The following SLC25A24 variants were observed in gnomAD, a reference collection of about 807,000 sequenced individuals.
SLC25A24 encodes mitochondrial adenyl nucleotide antiporter SLC25A24.
A neutral mutation model predicts 60.7 loss-of-function variants in SLC25A24; 49 were observed. That is an observed-to-expected ratio of 0.81 (90% confidence interval 0.64 to 1.02). The LOEUF (loss-of-function observed/expected upper bound fraction) is 1.02, where lower values mean the gene tolerates loss of function less well. Ranked by LOEUF, SLC25A24 falls within the 50% of genes least tolerant of loss-of-function variation. The pLI, the probability that SLC25A24 is intolerant of heterozygous loss-of-function variation, is 0.00. For missense variants in SLC25A24, 564 were observed against 586.3 expected, an observed-to-expected ratio of 0.96 and a Z score of 0.39; for synonymous variants, 202 against 200.6, an observed-to-expected ratio of 1.01 and a Z score of -0.06.
intron 5 of SLC25A24, among the ~76,000 whole-genome samples, chr1:108,155,945 C>T (rs1679885330): frequency 8.4e-6 from 1 of 119,138 alleles, no homozygotes; most frequent in Non-Finnish European, 1.7e-5. Flanking sequence ...GGGTGACTAC[C>T]ACTAAACACA....
chr1:108,151,364 T>C (rs1419438811), intron 6 of SLC25A24, among the ~76,000 whole-genome samples: 1 of 152,210 alleles, frequency 6.6e-6, no homozygotes, highest in Non-Finnish European at 1.5e-5. Context: ...TTTCTTCACC[T>C]CCCATTCACT....
In SLC25A24 at chr1:108,136,578, T is replaced by C. The variant is rs2101592398; in HGVS notation, c.*75A>G. The C allele has an allele frequency of 1.5e-6, 2 of 1,304,184 alleles. No individual in the cohort carries two copies. Among genetic ancestry groups the C allele is most frequent in the Non-Finnish European group, 2.2e-6 (2 of 926,158 alleles). 80.8% of individuals were successfully genotyped at this position (1,304,184 alleles called of 1,614,324 possible). ...CAGCTTCTTTTGCCATAGACTTGTT[T>C]CAATTCGAGGAGAAAAAGTCACTCC... On this transcript the variant is annotated 3_prime_UTR_variant, in exon 10 of 10. Coordinates refer to ENST00000565488, the MANE Select transcript of SLC25A24 (RefSeq NM_013386.5).
intron 1 of SLC25A24, among the ~76,000 whole-genome samples, chr1:108,189,243 TAAC>T (rs1343194880): frequency 2.0e-5 from 3 of 152,216 alleles, no homozygotes; most frequent in Non-Finnish European, 2.9e-5. Context: ...GAGTCTGACT[TAAC>T]AATACAATAG....
intron 1 of SLC25A24, among the ~76,000 whole-genome samples, chr1:108,190,674 G>A (rs58480591): frequency 0.13 from 18,925 of 149,022 alleles, 1,823 homozygotes; most frequent in Non-Finnish European, 0.18. Context: ...ATCTTAACAC[G>A]ACAATGTAAG....
Position 108,136,554 on chromosome 1 carries a change from A to T in SLC25A24, c.*99T>A. 9.8e-7 allele frequency: 1 copy of T among 1,023,718 alleles called. No homozygotes were observed. Among genetic ancestry groups the T allele is most frequent in the East Asian group, 2.4e-5 (1 of 40,880 alleles). The allele number at this position is 1,023,718 out of a possible 1,614,324, so 63.4% of individuals were successfully genotyped here. On this transcript the variant is annotated 3_prime_UTR_variant, in exon 10 of 10. Coordinates refer to ENST00000565488, the MANE Select transcript of SLC25A24 (RefSeq NM_013386.5). ...ATCTTCCCTTTTGTGAAAAAAATGC[A>T]GCTTCTTTTGCCATAGACTTGTTTC...
rs1679227893 is a variant in SLC25A24, at chr1:108,134,540, T to C, written c.*2113A>G. On this transcript the variant is annotated 3_prime_UTR_variant, in exon 10 of 10. Coordinates refer to ENST00000565488, the MANE Select transcript of SLC25A24 (RefSeq NM_013386.5). ...GTACTGTGAACCCCAGGGCTGTAAC[T>C]CTAATGGGTAAATGTGGAATTTTGA... The C allele has an allele frequency of 6.6e-6, 1 of 152,060 alleles. No homozygotes were observed. The highest frequency in any genetic ancestry group is 2.1e-4 in the South Asian group (1 of 4,828). The allele number at this position is 152,060 out of a possible 1,614,324, so 9.4% of individuals were successfully genotyped here. A position where few individuals can be genotyped will look rare whatever the true frequency, so the allele number is the denominator to read the frequency against.
intron 1 of SLC25A24, among the ~76,000 whole-genome samples, chr1:108,190,828 T>C (rs1314564474): frequency 7.3e-6 from 1 of 137,750 alleles, no homozygotes; most frequent in African/African-American, 2.5e-5. Flanking sequence ...AAAGTCACAA[T>C]GGTGCTCCTC....
In SLC25A24 at chr1:108,143,553, G is replaced by C; in HGVS notation, c.1088C>G (p.Ala363Gly). Residue 363 changes from alanine to glycine, a missense_variant, in exon 8 of 10, where the codon GCT becomes GGT. Coordinates refer to ENST00000565488, the MANE Select transcript of SLC25A24 (RefSeq NM_013386.5). ...GIIPYAGIDL[A>G]VYELLKSYWL... ...TTTCTACAAACTCACCTCATACACA[G>C]CAAGATCTATGCCTGCATAAGGTAT... 1.2e-6 allele frequency: 2 copies of C among 1,611,174 alleles called. No individual in the cohort carries two copies. The highest frequency in any genetic ancestry group is 1.7e-6 in the Non-Finnish European group (2 of 1,179,048).
In SLC25A24 at chr1:108,200,283, G is replaced by T; in HGVS notation, c.-145C>A. 8.3e-6 allele frequency: 3 copies of T among 361,656 alleles called. No individual in the cohort carries two copies. Among genetic ancestry groups the T allele is most frequent in the Non-Finnish European group, 1.3e-5 (3 of 238,692 alleles). The allele number at this position is 361,656 out of a possible 1,614,324, so 22.4% of individuals were successfully genotyped here. Reference sequence around the variant, plus strand: ...GCGCCGTCGGGGTTGCGGCTGCGGCGCGCAGGGCGCAGGGCGCAGGAGCGG... The same window carrying T: ...GCGCCGTCGGGGTTGCGGCTGCGGCTCGCAGGGCGCAGGGCGCAGGAGCGG... On this transcript the variant is annotated 5_prime_UTR_variant, in exon 1 of 10. Transcript: ENST00000565488.
In SLC25A24 at chr1:108,185,958, T is replaced by A. The variant is rs558703412; in HGVS notation, c.184-4A>T. ...CATCTCCAGTAGTAAAAATTTTCTA[T>A]AAAAAAAAATTAGAGAGAAGTTATT... On this transcript the variant is annotated splice_polypyrimidine_tract_variant and splice_region_variant and intron_variant, in intron 1 of 9. Coordinates refer to ENST00000565488, the MANE Select transcript of SLC25A24 (RefSeq NM_013386.5). The A allele has an allele frequency of 7.8e-6, 12 of 1,538,650 alleles. No homozygotes were observed. The South Asian group carries it at 1.5e-4, about 19-fold the overall frequency.
At chr1:108,190,573 A>G (rs1189216123) in intron 1 of SLC25A24, among the ~76,000 whole-genome samples, 2 of 152,110 alleles carry the variant, frequency 1.3e-5, no homozygotes, top group African/African-American at 4.8e-5. Flanking sequence ...ATCTCTTCGT[A>G]TATTTAGTTT....
intron 3 of SLC25A24, among the ~76,000 whole-genome samples, chr1:108,166,750 T>C (rs1680266457): frequency 6.6e-6 from 1 of 152,200 alleles, no homozygotes; most frequent in Admixed American, 6.5e-5. Context: ...TGTCCTCCCA[T>C]AGCTCAGAGT....
chr1:108,151,294 T>TC (rs1219001942), intron 6 of SLC25A24, among the ~76,000 whole-genome samples: 1 of 152,106 alleles, frequency 6.6e-6, no homozygotes, highest in Non-Finnish European at 1.5e-5. Flanking sequence ...ACCCTCTCCC[T>TC]CTTCTAGTTT....
chr1:108,181,850 G>A, intron 3 of SLC25A24, 91 bp downstream of exon 3: 1 of 855,798 alleles, frequency 1.2e-6, no homozygotes, highest in Non-Finnish European at 2.0e-6. Flanking sequence ...TGAAGACTAG[G>A]GAGGTGTTTT....
chr1:108,149,158 A>T (rs1457945138), intron 6 of SLC25A24, among the ~76,000 whole-genome samples: 1 of 152,256 alleles, frequency 6.6e-6, no homozygotes, highest in East Asian at 1.9e-4. Flanking sequence ...TGACAAACAA[A>T]TATTAACAAA....
Position 108,200,090 on chromosome 1 carries a change from C to G in SLC25A24, c.49G>C (p.Asp17His). 6.3e-7 allele frequency: 1 copy of G among 1,578,578 alleles called. No homozygotes were observed. Among genetic ancestry groups the G allele is most frequent in the Non-Finnish European group, 8.6e-7 (1 of 1,162,928 alleles). ...TCGTAGCGCGTCGGCTGCTCCGCGT[C>G]CTGGCAGGCCGCGGTGGGCAGCACG... ...DFVLPTAACQ[D>H]AEQPTRYETL... The change falls in exon 1 of 10, where the codon GAC becomes CAC. Residue 17 changes from aspartate to histidine, a missense_variant. Transcript: ENST00000565488.
At chr1:108,162,033 G>T (rs1680101941) in intron 3 of SLC25A24, among the ~76,000 whole-genome samples, 1 of 147,766 alleles carries the variant, frequency 6.8e-6, no homozygotes, top group African/African-American at 2.5e-5. Flanking sequence ...ACCTATGAGT[G>T]AGAATATGCG....
chr1:108,140,718 T>C (rs988969675), intron 8 of SLC25A24, among the ~76,000 whole-genome samples: 1 of 151,390 alleles, frequency 6.6e-6, no homozygotes, highest in African/African-American at 2.4e-5. Flanking sequence ...TAAGTTGCTA[T>C]AACTTTAGTA....
chr1:108,179,897 G>A (rs183104957), intron 3 of SLC25A24, among the ~76,000 whole-genome samples: 18 of 152,174 alleles, frequency 1.2e-4, no homozygotes, highest in African/African-American at 4.3e-4. Flanking sequence ...AGTATGAGAT[G>A]TATCATGTTA....
Sources: allele counts gnomAD v4.1 joint callset (sites outside exome capture counted in the v4.1 genomes callset), GRCh38; gene constraint gnomAD v4.1.1; transcripts MANE v1.5; gene names NCBI Gene and HGNC (gene_info 2026-07-23, HGNC 2026-07-21).